Variants in CDH2 observed in about 807,000 individuals in gnomAD.
CDH2 encodes the protein cadherin-2.
CDH2 carries 17 observed loss-of-function variants against 92.0 expected under a neutral mutation model. That is an observed-to-expected ratio of 0.18 (90% CI 0.13 to 0.28). CDH2 has a LOEUF of 0.28. Among genes scored for constraint, CDH2 ranks in the 10% least tolerant of loss-of-function variants. The probability of loss-of-function intolerance (pLI) is 1.00; values close to 1 mark genes in which losing one functional copy is unlikely to be tolerated. For missense variants in CDH2, 862 were observed against 1,133.1 expected, an observed-to-expected ratio of 0.76 and a Z score of 3.44; for synonymous variants, 419 against 415.9, an observed-to-expected ratio of 1.01 and a Z score of -0.09.
intron 15 of CDH2, among the ~76,000 whole-genome samples, chr18:27,959,141 G>T (rs1165182286): frequency 6.6e-6 from 1 of 152,070 alleles, no homozygotes; most frequent in Non-Finnish European, 1.5e-5. Flanking sequence ...CTAACTGTTG[G>T]GCTGAGATTA....
chr18:28,012,018 C>G, intron 3 of CDH2, 26 bp from the exon 4 acceptor site: 1 of 1,600,802 alleles, frequency 6.2e-7, no homozygotes, highest in Non-Finnish European at 8.5e-7. Context: ...GAAGACATTC[C>G]TGAGTACTAG....
At chr18:28,041,346 C>A (rs1396119868) in intron 2 of CDH2, among the ~76,000 whole-genome samples, 1 of 152,080 alleles carries the variant, frequency 6.6e-6, no homozygotes, top group Non-Finnish European at 1.5e-5. Flanking sequence ...TTTGGCTTTG[C>A]TGAAAACAAG....
downstream of CDH2, among the ~76,000 whole-genome samples, chr18:27,948,432 T>C (rs1342584429): frequency 6.6e-6 from 1 of 151,822 alleles, no homozygotes; most frequent in African/African-American, 2.4e-5. Flanking sequence ...ATGGGAACAA[T>C]ACAGAATAAT....
chr18:28,045,782 C>A (rs1599059625), intron 2 of CDH2, among the ~76,000 whole-genome samples: 1 of 152,330 alleles, frequency 6.6e-6, no homozygotes, highest in African/African-American at 2.4e-5. Context: ...CCTTTAGAAG[C>A]TCTGGTGCTC....
At position 28,019,437 on chromosome 18, in the gene CDH2, C is replaced by T. The variant is rs17522624; in HGVS notation, c.173-5528G>A. Among the ~76,000 whole-genome samples, 423 of 151,924 alleles carry T rather than the reference C, an allele frequency of 2.8e-3. 3 individuals carry two copies. The highest frequency in any genetic ancestry group is 9.8e-3 in the African/African-American group (406 of 41,450). ...AGGATAAGGGTTTGACAGACAGAAG[C>T]GGGGATTTCATAGTCACTGGCACTT... is the stretch of plus-strand genomic sequence containing the variant. On this transcript the variant is annotated intron_variant, in intron 2 of 15. Coordinates refer to ENST00000269141, the MANE Select transcript of CDH2 (RefSeq NM_001792.5).
intron 2 of CDH2, among the ~76,000 whole-genome samples, chr18:28,116,344 C>CTG (rs1323229435): frequency 1.3e-5 from 2 of 152,172 alleles, no homozygotes; most frequent in Non-Finnish European, 2.9e-5. Context: ...GCCCAAGCAT[C>CTG]TGTAACAACG....
intron 1 of CDH2, among the ~76,000 whole-genome samples, chr18:28,149,905 A>G (rs1263349452): frequency 2.6e-5 from 4 of 152,246 alleles, no homozygotes; most frequent in Admixed American, 6.5e-5. Context: ...AGAAAATATC[A>G]GAAACCAATT....
At position 28,147,796 on chromosome 18, in the gene CDH2, G is replaced by GAAAAA; in HGVS notation, c.61-17_61-13dup. 9.2e-7 allele frequency: 1 copy of GAAAAA among 1,092,516 alleles called. No individual in the cohort carries two copies. The highest frequency in any genetic ancestry group is 1.5e-5 in the South Asian group (1 of 67,520). The allele number at this position is 1,092,516 out of a possible 1,614,324, so 67.7% of individuals were successfully genotyped here. A position where few individuals can be genotyped will look rare whatever the true frequency, so the allele number is the denominator to read the frequency against. ...GCCTCTACAGACGCCTGCAACACAA[G>GAAAAA]AAAAAAAAAAAAAATGTGTGCAATG... On this transcript the variant is annotated splice_polypyrimidine_tract_variant and intron_variant, in intron 1 of 15. Coordinates refer to ENST00000269141, the MANE Select transcript of CDH2 (RefSeq NM_001792.5).
intron 14 of CDH2, among the ~76,000 whole-genome samples, chr18:27,968,274 C>T (rs1481292528): frequency 6.6e-6 from 1 of 152,224 alleles, no homozygotes; most frequent in Non-Finnish European, 1.5e-5. Context: ...CACAGACTCA[C>T]TTAAGCACGT....
intron 1 of CDH2, among the ~76,000 whole-genome samples, chr18:28,176,322 CAG>C (rs990075031): frequency 6.6e-6 from 1 of 152,132 alleles, no homozygotes; most frequent in African/African-American, 2.4e-5. Flanking sequence ...CGCTGACCGG[CAG>C]AGACTCCTCC....
chr18:27,952,275 C>T lies in CDH2; in HGVS notation c.2599G>A (p.Ala867Thr). The T allele has an allele frequency of 1.9e-6, 3 of 1,613,618 alleles. No homozygotes were observed. Among genetic ancestry groups the T allele is most frequent in the Non-Finnish European group, 2.5e-6 (3 of 1,179,698 alleles). ...GAATTAAGGGAGCTCAAGGACCCAG[C>T]AGTGGAGCCACTGCCTTCATAGTCA... ...VFDYEGSGST[A>T]GSLSSLNSSS... Residue 867 changes from alanine to threonine, a missense_variant, in exon 16 of 16, where the codon GCT becomes ACT. By Grantham distance (58) the Ala-to-Thr change is moderately conservative. Around this residue, in one of 5 missense-constraint regions of CDH2, gnomAD observed 114 missense variants for 144.8 expected, o/e 0.79. Coordinates refer to ENST00000269141, the MANE Select transcript of CDH2 (RefSeq NM_001792.5).
chr18:28,085,976 A>G (rs1482241573), intron 2 of CDH2, among the ~76,000 whole-genome samples: 1 of 152,180 alleles, frequency 6.6e-6, no homozygotes, highest in Admixed American at 6.6e-5. Context: ...TAAAAATATT[A>G]TCCATCTGGA....
intron 2 of CDH2, among the ~76,000 whole-genome samples, chr18:28,043,235 G>A (rs143698793): frequency 0.016 from 2,502 of 151,788 alleles, 35 homozygotes; most frequent in Middle Eastern, 0.027. Flanking sequence ...ACTTATAAGC[G>A]GGAGCTAAGC....
Position 27,992,706 on chromosome 18 carries a change from G to A in CDH2, c.1293C>T (p.Phe431=), listed in dbSNP as rs771635033. The change falls in exon 9 of 16, where the codon TTC becomes TTT. Residue 431 remains phenylalanine (F), a synonymous_variant. Transcript: ENST00000269141. ...TGCTGTTTGGGTCGGTCTGGATGGCGAACCGTCCAGTAGGATCTCCGCCAC... is the reference window on the plus strand; with the variant it reads ...TGCTGTTTGGGTCGGTCTGGATGGCAAACCGTCCAGTAGGATCTCCGCCAC... ...RISGGDPTGR[F]AIQTDPNSND... 18 of 1,613,688 alleles carry A rather than the reference G, an allele frequency of 1.1e-5. No homozygotes were observed. The highest frequency in any genetic ancestry group is 1.4e-5 in the Non-Finnish European group (16 of 1,179,820).
intron 14 of CDH2, among the ~76,000 whole-genome samples, chr18:27,974,674 C>T (rs1818114190): frequency 6.6e-6 from 1 of 152,032 alleles, no homozygotes; most frequent in Non-Finnish European, 1.5e-5. Context: ...AGAAGTGGGG[C>T]CTTTACGAAG....
At chr18:27,990,632 A>C (rs2012386518) in intron 9 of CDH2, among the ~76,000 whole-genome samples, 1 of 152,184 alleles carries the variant, frequency 6.6e-6, no homozygotes, top group South Asian at 2.1e-4. Context: ...ACATCTAAAA[A>C]CTTGATTATT....
At chr18:27,966,879 TA>T (rs958579874) in intron 14 of CDH2, among the ~76,000 whole-genome samples, 1 of 150,664 alleles carries the variant, frequency 6.6e-6, no homozygotes, top group East Asian at 1.9e-4. Flanking sequence ...AAGTTCCCAC[TA>T]AAAAAAAAGT....
intron 9 of CDH2, 26 bp downstream of exon 9, chr18:27,992,629 A>G (rs1341641584): frequency 6.3e-7 from 1 of 1,589,068 alleles, no homozygotes; most frequent in African/African-American, 1.3e-5. Flanking sequence ...GCTGTTGGAG[A>G]GATCAGTGGC....
chr18:28,061,413 C>T (rs2014399453), intron 2 of CDH2, among the ~76,000 whole-genome samples: 1 of 152,076 alleles, frequency 6.6e-6, no homozygotes, highest in Non-Finnish European at 1.5e-5. Flanking sequence ...GAGGCCGAGA[C>T]AGATAGACAA....
Sources: gnomAD v4.1 joint callset for allele counts (sites outside exome capture counted in the v4.1 genomes callset) on GRCh38, gnomAD v4.1.1 for gene constraint, gnomAD v4.1.1 regional missense constraint, MANE v1.5 for transcripts, NCBI Gene and HGNC (gene_info 2026-07-23, HGNC 2026-07-21) for gene names.